Variants in DNAH12 observed in about 807,000 individuals in gnomAD.
DNAH12 encodes axonemal beta dynein heavy chain 12.
DNAH12 carries 285 observed loss-of-function variants against 371.5 expected under a neutral mutation model. That is an observed-to-expected ratio of 0.77 (90% CI 0.70 to 0.85). The LOEUF (loss-of-function observed/expected upper bound fraction) is 0.85. Among genes scored for constraint, DNAH12 ranks in the 40% least tolerant of loss-of-function variants. The pLI is 0.00. For missense variants in DNAH12, 3,611 were observed against 3,689.4 expected, an observed-to-expected ratio of 0.98 and a Z score of 0.55; for synonymous variants, 1,200 against 1,213.0, an observed-to-expected ratio of 0.99 and a Z score of 0.22.
intron 65 of DNAH12, among the ~76,000 whole-genome samples, chr3:57,319,487 A>G (rs2061758012): frequency 6.6e-6 from 1 of 152,124 alleles, no homozygotes; most frequent in Non-Finnish European, 1.5e-5. Context: ...TCCATGGTTG[A>G]GTATAATATA....
intron 35 of DNAH12, 104 bp downstream of exon 35, chr3:57,424,918 C>CA (rs2064715962): frequency 3.5e-6 from 2 of 569,602 alleles, no homozygotes; most frequent in Admixed American, 2.8e-5. Context: ...CAATGCTCAC[C>CA]AAAAAATAGC....
At chr3:57,341,363 C>G (rs2062392299) in intron 60 of DNAH12, among the ~76,000 whole-genome samples, 1 of 151,958 alleles carries the variant, frequency 6.6e-6, no homozygotes, top group Non-Finnish European at 1.5e-5. Context: ...TTAGACTCTA[C>G]CCAAAAAACT....
intron 23 of DNAH12, among the ~76,000 whole-genome samples, chr3:57,454,281 G>C (rs1268302015): frequency 6.6e-6 from 1 of 152,118 alleles, no homozygotes; most frequent in Non-Finnish European, 1.5e-5. Context: ...AGGTGTTCAA[G>C]ACCAGCCTGA....
intron 2 of DNAH12, among the ~76,000 whole-genome samples, chr3:57,534,825 T>G (rs2068974845): frequency 6.6e-6 from 1 of 152,148 alleles, no homozygotes; most frequent in South Asian, 2.1e-4. Flanking sequence ...CTCATATTCT[T>G]AGAAACAAAT....
chr3:57,445,425 G>A lies in DNAH12; in HGVS notation c.4180-6C>T. 1.3e-6 allele frequency: 2 copies of A among 1,506,088 alleles called. No homozygotes were observed. Among genetic ancestry groups the A allele is most frequent in the Non-Finnish European group, 1.8e-6 (2 of 1,128,936 alleles). The allele number at this position is 1,506,088 out of a possible 1,614,324, so 93.3% of individuals were successfully genotyped here. On this transcript the variant is annotated splice_region_variant and splice_polypyrimidine_tract_variant and intron_variant, in intron 27 of 73. Coordinates refer to ENST00000495027, the MANE Select transcript of DNAH12 (RefSeq NM_001366028.2). ...GCCACTGTTCTAAAAAGAACCTGAA[G>A]TATAAAATAAATGAAATATATTACG...
intron 16 of DNAH12, 22 bp from the exon 17 acceptor site, chr3:57,469,001 T>G: frequency 1.3e-6 from 2 of 1,511,166 alleles, no homozygotes; most frequent in South Asian, 1.3e-5. Flanking sequence ...GAAAAAATAT[T>G]ATTAAACTCA....
chr3:57,293,726 G>A lies in DNAH12; in HGVS notation c.*55C>T. On this transcript the variant is annotated 3_prime_UTR_variant, in exon 74 of 74. Transcript: ENST00000495027. ...TGGTTTTATAATGTATATATTTTAA[G>A]TAGGACAGGTTTTTTTTTTTTTAAA... The A allele has an allele frequency of 1.4e-6, 2 of 1,461,612 alleles. No homozygotes were observed. The highest frequency in any genetic ancestry group is 2.3e-5 in the Admixed American group (1 of 43,530). The allele number at this position is 1,461,612 out of a possible 1,614,324, so 90.5% of individuals were successfully genotyped here.
At chr3:57,551,260 ATTATTTAT>A in the DNAH12 span, among the ~76,000 whole-genome samples, 1 of 150,692 alleles carries the variant, frequency 6.6e-6, no homozygotes, top group African/African-American at 2.4e-5. Flanking sequence ...TGTATACAAA[ATTATTTAT>A]TTATTTATTT....
intron 29 of DNAH12, among the ~76,000 whole-genome samples, chr3:57,439,254 TC>T (rs1437532217): frequency 6.6e-6 from 1 of 151,952 alleles, no homozygotes; most frequent in Non-Finnish European, 1.5e-5. Context: ...GCCAAAGCAA[TC>T]CTAAGCAAAA....
chr3:57,376,323 G>T (rs1559598383), intron 53 of DNAH12, among the ~76,000 whole-genome samples: 1 of 151,774 alleles, frequency 6.6e-6, no homozygotes, highest in African/African-American at 2.4e-5. Context: ...TTTATTGTTA[G>T]ACTGTAAAAC....
At chr3:57,342,651 C>CAAAA (rs71088061) in intron 60 of DNAH12, among the ~76,000 whole-genome samples, 386 of 34,650 alleles carry the variant, frequency 0.011, 4 homozygotes, top group Middle Eastern at 0.033. Context: ...GACTGAGACT[C>CAAAA]AAAAAAAAAA....
At chr3:57,483,592 T>C in intron 12 of DNAH12, 81 bp from the exon 13 acceptor site, 1 of 1,377,636 alleles carries the variant, frequency 7.3e-7, no homozygotes, top group African/African-American at 1.5e-5. Context: ...TGACGATTAC[T>C]ATAAAATAAG....
intron 43 of DNAH12, among the ~76,000 whole-genome samples, chr3:57,402,157 T>C (rs530269982): frequency 5.4e-4 from 82 of 152,352 alleles, no homozygotes; most frequent in Non-Finnish European, 9.6e-4. Flanking sequence ...TCCTTTCATG[T>C]CTATGTAGAT....
chr3:57,409,526 T>C (rs964526787), intron 39 of DNAH12, among the ~76,000 whole-genome samples: 32 of 152,056 alleles, frequency 2.1e-4, no homozygotes, highest in Admixed American at 1.0e-3. Flanking sequence ...TGAGCCTATT[T>C]TTACACATAA....
At chr3:57,332,645 C>T (rs900828750) in intron 62 of DNAH12, among the ~76,000 whole-genome samples, 2 of 152,192 alleles carry the variant, frequency 1.3e-5, no homozygotes, top group African/African-American at 2.4e-5. Flanking sequence ...CTGGAAGTTG[C>T]AGAGTTCTAA....
chr3:57,540,435 G>T (rs1302891015), intron 2 of DNAH12, among the ~76,000 whole-genome samples: 1 of 152,150 alleles, frequency 6.6e-6, no homozygotes, highest in Non-Finnish European at 1.5e-5. Context: ...AGAGAAATGC[G>T]TGCATGAAAG....
intron 64 of DNAH12, among the ~76,000 whole-genome samples, chr3:57,322,755 C>T (rs2061837344): frequency 6.6e-6 from 1 of 152,058 alleles, no homozygotes; most frequent in African/African-American, 2.4e-5. Context: ...CATGGTGAAA[C>T]CCCATTTCTA....
At chr3:57,428,876 C>A in intron 33 of DNAH12, 55 bp from the exon 34 acceptor site, 1 of 1,432,580 alleles carries the variant, frequency 7.0e-7, no homozygotes, top group Non-Finnish European at 9.3e-7. Flanking sequence ...TGGCACCTGG[C>A]AATTATCAAC....
the DNAH12 span, among the ~76,000 whole-genome samples, chr3:57,550,359 T>C: frequency 6.6e-6 from 1 of 152,034 alleles, no homozygotes; most frequent in African/African-American, 2.4e-5. Context: ...AAATAAATAT[T>C]AATAATAAAA....
Sources: gnomAD v4.1 joint callset for allele counts (sites outside exome capture counted in the v4.1 genomes callset) on GRCh38, gnomAD v4.1.1 for gene constraint, MANE v1.5 for transcripts, NCBI Gene and HGNC (gene_info 2026-07-23, HGNC 2026-07-21) for gene names.